TENM3: variants seen among roughly 807,000 people sequenced by gnomAD.
TENM3 encodes the protein teneurin-3.
A neutral mutation model predicts 255.1 loss-of-function variants in TENM3; 63 were observed. That is an observed-to-expected ratio of 0.25 (90% CI 0.20 to 0.30). The LOEUF (loss-of-function observed/expected upper bound fraction) is 0.30. Ranked by LOEUF, TENM3 falls within the 10% of genes least tolerant of loss-of-function variation. The probability of loss-of-function intolerance (pLI) is 1.00; values close to 1 mark genes in which losing one functional copy is unlikely to be tolerated. For missense variants in TENM3, 2,929 were observed against 3,461.1 expected (o/e 0.85, Z 3.86); for synonymous variants, 1,306 against 1,322.3 (o/e 0.99, Z 0.27).
At chr4:182,545,702 CTCTT>C (rs1741370791) in intron 3 of TENM3, among the ~76,000 whole-genome samples, 1 of 152,082 alleles carries the variant, frequency 6.6e-6, no homozygotes, top group Non-Finnish European at 1.5e-5. Context: ...GGTATGGCTT[CTCTT>C]TCTTTGTCTT....
chr4:182,059,862 G>A, the TENM3 span, among the ~76,000 whole-genome samples: 2 of 152,140 alleles, frequency 1.3e-5, no homozygotes, highest in Admixed American at 6.6e-5. Context: ...GAGCCCAGGA[G>A]GTGGAGGATG....
At chr4:182,628,131 C>A (rs1751007395) in intron 4 of TENM3, among the ~76,000 whole-genome samples, 1 of 152,186 alleles carries the variant, frequency 6.6e-6, no homozygotes, top group African/African-American at 2.4e-5. Flanking sequence ...AGCAGAGAAG[C>A]AGGCCAAGAG....
intron 1 of TENM3, among the ~76,000 whole-genome samples, chr4:182,210,523 T>G (rs1754943316): frequency 6.6e-6 from 1 of 151,948 alleles, no homozygotes; most frequent in Non-Finnish European, 1.5e-5. Flanking sequence ...ATTATTATAA[T>G]CATGTCTCTT....
the TENM3 span, among the ~76,000 whole-genome samples, chr4:181,494,589 C>A: frequency 2.0e-5 from 3 of 152,094 alleles, no homozygotes; most frequent in African/African-American, 7.2e-5. Flanking sequence ...CCCGGCTCAG[C>A]TTCTCTTTTT....
Position 182,753,580 on chromosome 4 carries a change from T to G in TENM3, c.3993T>G (p.Cys1331Trp). The change falls in exon 21 of 28, where the codon TGT (cysteine) becomes TGG (tryptophan). Residue 1331 changes from cysteine to tryptophan, a missense_variant. By Grantham distance (215) the Cys-to-Trp change is radical. This residue lies in a region of TENM3 where 1,608 missense variants were observed against 1,884.4 expected (regional missense o/e 0.85). Coordinates refer to ENST00000511685, the MANE Select transcript of TENM3 (RefSeq NM_001080477.4). ...NDLTSARPLT[C>W]DTSMHISQVR... Reference sequence around the variant, plus strand: ...TGACTTCAGCCAGACCTTTAACTTGTGACACCAGCATGCACATCAGCCAGG... The same window carrying G: ...TGACTTCAGCCAGACCTTTAACTTGGGACACCAGCATGCACATCAGCCAGG... 1.9e-6 allele frequency: 3 copies of G among 1,613,946 alleles called. No individual in the cohort carries two copies. Among genetic ancestry groups the G allele is most frequent in the Non-Finnish European group, 2.5e-6 (3 of 1,179,874 alleles).
chr4:182,150,623 C>T (rs927513261), intron 1 of TENM3, among the ~76,000 whole-genome samples: 3 of 146,414 alleles, frequency 2.0e-5, no homozygotes, highest in Non-Finnish European at 3.0e-5. Flanking sequence ...TATGTAGAGA[C>T]TTAAAAAAAC....
the TENM3 span, among the ~76,000 whole-genome samples, chr4:182,047,030 A>T: frequency 6.6e-6 from 1 of 151,902 alleles, no homozygotes; most frequent in Non-Finnish European, 1.5e-5. Flanking sequence ...TACCTCTAGG[A>T]AATGTAGCCA....
the TENM3 span, among the ~76,000 whole-genome samples, chr4:182,008,375 A>T: frequency 6.6e-6 from 1 of 151,960 alleles, no homozygotes; most frequent in African/African-American, 2.4e-5. Flanking sequence ...TACTCCAATC[A>T]ATCGTAGGTT....
intron 11 of TENM3, among the ~76,000 whole-genome samples, chr4:182,687,315 C>G (rs1756658359): frequency 6.6e-6 from 1 of 152,032 alleles, no homozygotes; most frequent in Admixed American, 6.5e-5. Context: ...GTTTCTTTTA[C>G]CTTTGCCTCT....
chr4:182,791,674 A>G (rs1194733372), intron 25 of TENM3, among the ~76,000 whole-genome samples: 1 of 152,194 alleles, frequency 6.6e-6, no homozygotes, highest in Admixed American at 6.5e-5. Context: ...TATTAAGGGC[A>G]TTTATAGCTC....
At chr4:181,679,871 G>A in the TENM3 span, among the ~76,000 whole-genome samples, 2 of 152,216 alleles carry the variant, frequency 1.3e-5, no homozygotes, top group East Asian at 3.9e-4. Context: ...CATTATTTAT[G>A]TAGTTAGTTC....
At chr4:182,740,013 G>A (rs1020738018) in intron 18 of TENM3, among the ~76,000 whole-genome samples, 2 of 152,212 alleles carry the variant, frequency 1.3e-5, no homozygotes, top group African/African-American at 4.8e-5. Context: ...TCCAGCCTGA[G>A]TGACAGAGTG....
the TENM3 span, among the ~76,000 whole-genome samples, chr4:181,857,117 T>C: frequency 6.6e-6 from 1 of 152,134 alleles, no homozygotes; most frequent in Non-Finnish European, 1.5e-5. Context: ...TTATTTCAGA[T>C]ACCAGTAGGG....
intron 1 of TENM3, among the ~76,000 whole-genome samples, chr4:182,172,536 C>A (rs1414672032): frequency 6.6e-6 from 1 of 152,112 alleles, no homozygotes; most frequent in African/African-American, 2.4e-5. Context: ...GCACAAGATA[C>A]TATTTAAGAA....
At chr4:181,723,609 G>A in the TENM3 span, among the ~76,000 whole-genome samples, 1 of 152,026 alleles carries the variant, frequency 6.6e-6, no homozygotes, top group African/African-American at 2.4e-5. Flanking sequence ...CTGTGTTGTA[G>A]TTCAAAAGTT....
At chr4:182,108,157 C>T in the TENM3 span, among the ~76,000 whole-genome samples, 5 of 152,298 alleles carry the variant, frequency 3.3e-5, no homozygotes, top group Non-Finnish European at 7.3e-5. Flanking sequence ...CAGCCTGCAC[C>T]GTACCCTGCT....
At chr4:181,903,655 T>A in the TENM3 span, among the ~76,000 whole-genome samples, 2 of 152,294 alleles carry the variant, frequency 1.3e-5, no homozygotes, top group Middle Eastern at 3.4e-3. Context: ...ATATTGCTGC[T>A]AAGGTCCTTC....
intron 7 of TENM3, among the ~76,000 whole-genome samples, 191 bp from the exon 8 acceptor site, chr4:182,679,475 T>C (rs1755938192): frequency 1.3e-5 from 2 of 152,152 alleles, no homozygotes; most frequent in South Asian, 4.1e-4. Context: ...AATCCAGCCC[T>C]GTGTGGCGAA....
At chr4:182,665,682 T>C (rs1581254451) in intron 6 of TENM3, among the ~76,000 whole-genome samples, 1 of 151,914 alleles carries the variant, frequency 6.6e-6, no homozygotes, top group South Asian at 2.1e-4. Context: ...GATCACGAGG[T>C]CAGGAGATCG....
Sources: allele counts gnomAD v4.1 joint callset (sites outside exome capture counted in the v4.1 genomes callset), GRCh38; gene constraint gnomAD v4.1.1; regional missense constraint gnomAD v4.1.1; transcripts MANE v1.5; gene names NCBI Gene and HGNC (gene_info 2026-07-23, HGNC 2026-07-21).